Variants in SMAD3 observed in about 807,000 individuals in gnomAD.
SMAD3 encodes the protein SMAD family member 3, also known as MAD homolog 3.
In SMAD3, 12 loss-of-function variants were observed where a neutral mutation model predicts 51.8. The ratio of observed to expected loss-of-function variants is 0.23; its 90% CI spans 0.15 to 0.38. The LOEUF (loss-of-function observed/expected upper bound fraction) is 0.38. Among genes scored for constraint, SMAD3 ranks in the 10% least tolerant of loss-of-function variants. The pLI is 1.00. For missense variants in SMAD3, 294 were observed against 565.6 expected, an observed-to-expected ratio of 0.52 and a Z score of 4.87; for synonymous variants, 238 against 227.7, an observed-to-expected ratio of 1.05 and a Z score of -0.41.
chr15:67,080,688 T>C (rs925813550), intron 1 of SMAD3, among the ~76,000 whole-genome samples: 1 of 152,128 alleles, frequency 6.6e-6, no homozygotes, highest in Non-Finnish European at 1.5e-5. Context: ...AGGAAGGAAT[T>C]AAAAATAACA....
At chr15:67,066,936 G>T (rs1209236029) in intron 1 of SMAD3, among the ~76,000 whole-genome samples, 1 of 152,126 alleles carries the variant, frequency 6.6e-6, no homozygotes, top group African/African-American at 2.4e-5. Flanking sequence ...CATTTTTATC[G>T]AGTATTTTTA....
At chr15:67,171,001 A>G (rs1388909731) in intron 5 of SMAD3, among the ~76,000 whole-genome samples, 1 of 152,124 alleles carries the variant, frequency 6.6e-6, no homozygotes, top group African/African-American at 2.4e-5. Flanking sequence ...AGATATACTT[A>G]TTTGAGTGTT....
At chr15:67,098,967 T>C (rs1290064967) in intron 1 of SMAD3, 2 of 702,414 alleles carry the variant, frequency 2.8e-6, no homozygotes, top group Non-Finnish European at 5.2e-6. Flanking sequence ...GCTTCACAAA[T>C]GTGGACTTTT....
At chr15:67,176,911 C>T (rs901648814) in intron 5 of SMAD3, among the ~76,000 whole-genome samples, 2 of 152,196 alleles carry the variant, frequency 1.3e-5, no homozygotes, top group African/African-American at 4.8e-5. Flanking sequence ...AGGCCGTGGG[C>T]ACGTGCCATC....
intron 1 of SMAD3, among the ~76,000 whole-genome samples, chr15:67,084,966 C>T (rs1960357655): frequency 6.6e-6 from 1 of 152,182 alleles, no homozygotes; most frequent in African/African-American, 2.4e-5. Flanking sequence ...CCCTTTCAAA[C>T]CTGGGTTAGA....
At chr15:67,187,831 A>G (rs2140324279) in intron 8 of SMAD3, among the ~76,000 whole-genome samples, 1 of 152,268 alleles carries the variant, frequency 6.6e-6, no homozygotes, top group East Asian at 1.9e-4. Context: ...AGGGAGGGAG[A>G]GTGACTTGCC....
At chr15:67,159,798 G>A (rs758136321) in intron 1 of SMAD3, among the ~76,000 whole-genome samples, 4 of 152,182 alleles carry the variant, frequency 2.6e-5, no homozygotes, top group Non-Finnish European at 5.9e-5. Context: ...ATCATGCCTG[G>A]CTTCTTTCAC....
chr15:67,150,840 TCTCAG>T (rs1962116506), intron 1 of SMAD3, among the ~76,000 whole-genome samples: 1 of 115,592 alleles, frequency 8.7e-6, no homozygotes, highest in Non-Finnish European at 1.8e-5. Flanking sequence ...CAAAGCTATT[TCTCAG>T]TCTTTTTTTT....
intron 1 of SMAD3, chr15:67,137,886 C>T (rs1961705777): frequency 1.6e-6 from 1 of 625,452 alleles, no homozygotes; most frequent in Non-Finnish European, 2.9e-6. Flanking sequence ...TGGATTTCTT[C>T]TGTCTGGGTG....
chr15:67,184,960 C>A (rs2140320418), intron 7 of SMAD3, 96 bp downstream of exon 7: 7 of 1,479,072 alleles, frequency 4.7e-6, no homozygotes, highest in Non-Finnish European at 6.6e-6. Flanking sequence ...CTTTTCTGCT[C>A]ACTCATGATT....
chr15:67,108,981 G>T (rs1444163697), intron 1 of SMAD3, among the ~76,000 whole-genome samples: 1 of 152,190 alleles, frequency 6.6e-6, no homozygotes, highest in Non-Finnish European at 1.5e-5. Context: ...TTTGAAATAG[G>T]CTTAATTTTC....
chr15:67,179,815 G>A (rs928052480), intron 5 of SMAD3, among the ~76,000 whole-genome samples: 4 of 152,060 alleles, frequency 2.6e-5, no homozygotes, highest in African/African-American at 7.2e-5. Context: ...GGGCTGAGAC[G>A]TGGGCATGGG....
In SMAD3 at chr15:67,165,164, A is replaced by T. The variant is rs559690922; in HGVS notation, c.400+76A>T. 16 of 1,611,156 alleles carry T rather than the reference A, an allele frequency of 9.9e-6. No homozygotes were observed. In the South Asian group the frequency reaches 1.8e-4, roughly 18 times the overall value. On this transcript the variant is annotated intron_variant, in intron 2 of 8. Transcript: ENST00000327367. ...CTCTCCCCGGCTCCCCATCCCCCCG[A>T]GGGTCTGCGGTGCACTTGGGGGTGC...
intron 1 of SMAD3, among the ~76,000 whole-genome samples, chr15:67,107,857 GAGGC>G (rs992814728): frequency 6.6e-6 from 1 of 152,152 alleles, no homozygotes; most frequent in Non-Finnish European, 1.5e-5. Flanking sequence ...TCTGAGGCTT[GAGGC>G]TTCTGTGATA....
chr15:67,087,407 G>A (rs1228929004), intron 1 of SMAD3, among the ~76,000 whole-genome samples: 1 of 152,136 alleles, frequency 6.6e-6, no homozygotes, highest in African/African-American at 2.4e-5. Context: ...TTCCTGCATA[G>A]TTTCAGTTGG....
chr15:67,185,974 CAG>C (rs1963213361), intron 7 of SMAD3, among the ~76,000 whole-genome samples: 1 of 152,250 alleles, frequency 6.6e-6, no homozygotes, highest in Non-Finnish European at 1.5e-5. Flanking sequence ...CTTTAGAATG[CAG>C]AAAGTCTGAA....
Position 67,104,473 on chromosome 15 carries a change from T to C in SMAD3, c.206+38113T>C, listed in dbSNP as rs575636752. ...TGCATTTTGCAGTCACCCCTCATTATCCCTGAGTCCAGGAACACCTGAGAT... is the reference window on the plus strand; with the variant it reads ...TGCATTTTGCAGTCACCCCTCATTACCCCTGAGTCCAGGAACACCTGAGAT... On this transcript the variant is annotated intron_variant, in intron 1 of 8. Coordinates refer to ENST00000327367, the MANE Select transcript of SMAD3 (RefSeq NM_005902.4). Among the ~76,000 whole-genome samples the C allele has an allele frequency of 4.2e-3, 636 of 152,348 alleles. 4 individuals carry two copies. Among genetic ancestry groups the C allele is most frequent in the Non-Finnish European group, 7.3e-3 (499 of 68,028 alleles).
chr15:67,107,972 C>G (rs541983896), intron 1 of SMAD3, among the ~76,000 whole-genome samples: 56 of 138,970 alleles, frequency 4.0e-4, no homozygotes, highest in Non-Finnish European at 5.8e-4. Flanking sequence ...CTCTCCCCCC[C>G]ACCCCCCCAC....
At chr15:67,182,317 C>A (rs1963082100) in intron 6 of SMAD3, among the ~76,000 whole-genome samples, 1 of 152,172 alleles carries the variant, frequency 6.6e-6, no homozygotes, top group Non-Finnish European at 1.5e-5. Flanking sequence ...GAAGATGAAG[C>A]TGTGTTACGC....
Sources: allele counts gnomAD v4.1 joint callset (sites outside exome capture counted in the v4.1 genomes callset), GRCh38; gene constraint gnomAD v4.1.1; transcripts MANE v1.5; gene names NCBI Gene and HGNC (gene_info 2026-07-23, HGNC 2026-07-21).